TAF3: variants seen among roughly 807,000 people sequenced by gnomAD.
TAF3 encodes transcription initiation factor TFIID subunit 3.
Under a neutral mutation model 80.6 loss-of-function variants are expected in TAF3, and 7 were observed. That is an observed-to-expected ratio of 0.09 (90% confidence interval 0.05 to 0.16). The LOEUF (loss-of-function observed/expected upper bound fraction) is 0.16, where lower values mean the gene tolerates loss of function less well. TAF3 is among the 10% of genes least tolerant of loss of function. The probability of loss-of-function intolerance (pLI) is 1.00; values close to 1 mark genes in which losing one functional copy is unlikely to be tolerated. For synonymous variants in TAF3, 444 were observed against 446.1 expected (o/e 1.00, Z 0.06); for missense variants, 921 against 1,140.2 (o/e 0.81, Z 2.77).
chr10:7,916,942 T>A (rs1192550112), intron 2 of TAF3, among the ~76,000 whole-genome samples: 1 of 152,218 alleles, frequency 6.6e-6, no homozygotes. Context: ...TTCAGAAATA[T>A]AGACTGTCTG....
intron 2 of TAF3, among the ~76,000 whole-genome samples, chr10:7,900,838 G>A (rs1249021244): frequency 1.3e-5 from 2 of 151,998 alleles, no homozygotes; most frequent in Non-Finnish European, 2.9e-5. Flanking sequence ...AGAAGCACAT[G>A]GATTTTCTCC....
intron 2 of TAF3, among the ~76,000 whole-genome samples, chr10:7,899,723 G>C (rs1837540778): frequency 1.3e-5 from 2 of 152,302 alleles, no homozygotes; most frequent in East Asian, 3.9e-4. Flanking sequence ...GTATATGATA[G>C]ACTATTGAGT....
chr10:8,001,253 A>C (rs1405948150), intron 4 of TAF3, among the ~76,000 whole-genome samples: 3 of 152,154 alleles, frequency 2.0e-5, no homozygotes, highest in Non-Finnish European at 4.4e-5. Flanking sequence ...TGGACCAACC[A>C]TCTCTCCCTT....
chr10:7,984,429 C>T (rs1194719739), intron 4 of TAF3, among the ~76,000 whole-genome samples: 1 of 152,130 alleles, frequency 6.6e-6, no homozygotes, highest in East Asian at 1.9e-4. Context: ...ACATAGATGC[C>T]GCATTAGAAG....
intron 2 of TAF3, among the ~76,000 whole-genome samples, chr10:7,873,243 A>G (rs531693356): frequency 2.6e-5 from 4 of 151,758 alleles, no homozygotes; most frequent in Non-Finnish European, 4.4e-5. Context: ...TTTTTTTTCT[A>G]ACTTTATGAA....
intron 2 of TAF3, among the ~76,000 whole-genome samples, chr10:7,835,329 T>TG (rs35290099): frequency 0.41 from 62,196 of 152,140 alleles, 12,839 homozygotes; most frequent in South Asian, 0.53. Flanking sequence ...GGCTGTGGGT[T>TG]GACAAGCTTG....
chr10:7,936,284 T>A (rs1283780316), intron 2 of TAF3, among the ~76,000 whole-genome samples: 1 of 152,214 alleles, frequency 6.6e-6, no homozygotes, highest in Non-Finnish European at 1.5e-5. Context: ...CTCTTTTTCT[T>A]TTTTGTAATT....
At chr10:7,905,310 C>T (rs1837597835) in intron 2 of TAF3, among the ~76,000 whole-genome samples, 1 of 152,128 alleles carries the variant, frequency 6.6e-6, no homozygotes, top group South Asian at 2.1e-4. Flanking sequence ...TAGAGAAGCA[C>T]CTGTTTCAGG....
intron 2 of TAF3, among the ~76,000 whole-genome samples, chr10:7,888,394 A>G (rs947093438): frequency 1.3e-5 from 2 of 152,236 alleles, no homozygotes; most frequent in African/African-American, 4.8e-5. Flanking sequence ...AATTTATAAA[A>G]AAAAAGTTTC....
chr10:7,941,082 G>A (rs1837971659), intron 2 of TAF3, among the ~76,000 whole-genome samples: 1 of 152,166 alleles, frequency 6.6e-6, no homozygotes, highest in African/African-American at 2.4e-5. Context: ...GAAGATAAGA[G>A]TAAAAGTTAG....
At chr10:7,898,125 C>T (rs1837524136) in intron 2 of TAF3, among the ~76,000 whole-genome samples, 1 of 152,088 alleles carries the variant, frequency 6.6e-6, no homozygotes, top group Admixed American at 6.5e-5. Context: ...GGTATGCTTT[C>T]AACTCCAAGT....
At chr10:7,864,016 T>C (rs556055461) in intron 2 of TAF3, among the ~76,000 whole-genome samples, 52 of 152,238 alleles carry the variant, frequency 3.4e-4, no homozygotes, top group Non-Finnish European at 6.5e-4. Context: ...TTCATCCCCT[T>C]ATCCTTCCCC....
At chr10:7,903,341 C>G (rs1421838535) in intron 2 of TAF3, among the ~76,000 whole-genome samples, 1 of 152,200 alleles carries the variant, frequency 6.6e-6, no homozygotes, top group Non-Finnish European at 1.5e-5. Flanking sequence ...TCCATCTCAG[C>G]TTTTGAACAT....
chr10:7,865,778 C>T (rs979523478), intron 2 of TAF3, among the ~76,000 whole-genome samples: 1 of 152,254 alleles, frequency 6.6e-6, no homozygotes, highest in Admixed American at 6.5e-5. Context: ...AAACCTCGAA[C>T]AGCAGCAGAG....
chr10:7,887,181 G>A (rs191382127), intron 2 of TAF3, among the ~76,000 whole-genome samples: 7 of 151,154 alleles, frequency 4.6e-5, no homozygotes, highest in East Asian at 3.9e-4. Context: ...GCAGTGAGCC[G>A]AGATCGCACC....
At chr10:8,000,422 C>CT (rs567242279) in intron 4 of TAF3, among the ~76,000 whole-genome samples, 26 of 151,578 alleles carry the variant, frequency 1.7e-4, no homozygotes, top group Non-Finnish European at 2.2e-4. Flanking sequence ...CGGCCTTTTT[C>CT]TTTTTTTTAT....
intron 2 of TAF3, among the ~76,000 whole-genome samples, chr10:7,844,619 G>A (rs1460384357): frequency 2.6e-5 from 4 of 151,924 alleles, no homozygotes; most frequent in Admixed American, 6.6e-5. Context: ...CTTGTGATCC[G>A]CCTGCCTCGG....
intron 2 of TAF3, among the ~76,000 whole-genome samples, chr10:7,958,439 A>T (rs57337865): frequency 0.018 from 2,806 of 152,310 alleles, 20 homozygotes; most frequent in African/African-American, 0.022. Flanking sequence ...AGTGAACTAC[A>T]GCTGCCTGCA....
At chr10:8,008,926 G>C (rs376297566) in intron 4 of TAF3, 152 bp from the exon 5 acceptor site, 9 of 1,116,318 alleles carry the variant, frequency 8.1e-6, no homozygotes, top group South Asian at 8.0e-5. Flanking sequence ...GCCACTTCAT[G>C]CAGGGCCTGG....
Sources: allele counts gnomAD v4.1 joint callset (sites outside exome capture counted in the v4.1 genomes callset), GRCh38; gene constraint gnomAD v4.1.1; transcripts MANE v1.5; gene names NCBI Gene and HGNC (gene_info 2026-07-23, HGNC 2026-07-21).